HECW1: variants seen among roughly 807,000 people sequenced by gnomAD.
The protein encoded by HECW1 is HECT, C2 and WW domain containing E3 ubiquitin protein ligase 1.
HECW1 carries 61 observed loss-of-function variants against 182.3 expected under a neutral mutation model. The observed-to-expected ratio is 0.33, with a 90% confidence interval of 0.27 to 0.41. HECW1 has a LOEUF of 0.41. Among genes scored for constraint, HECW1 ranks in the 10% least tolerant of loss-of-function variants. The pLI is 1.00. For missense variants in HECW1, 1,739 were observed against 2,108.9 expected (o/e 0.82, Z 3.44); for synonymous variants, 859 against 832.6 (o/e 1.03, Z -0.55).
chr7:43,391,011 A>G (rs1309371754), intron 6 of HECW1, among the ~76,000 whole-genome samples: 1 of 152,136 alleles, frequency 6.6e-6, no homozygotes, highest in African/African-American at 2.4e-5. Flanking sequence ...GGCCTCCACA[A>G]ACAAGTTTAT....
At chr7:43,167,179 C>T (rs948081474) in intron 2 of HECW1, among the ~76,000 whole-genome samples, 2 of 152,232 alleles carry the variant, frequency 1.3e-5, no homozygotes, top group Non-Finnish European at 1.5e-5. Context: ...CCTTCAAAGG[C>T]CCTAGAGGAG....
At chr7:43,361,057 CGTGTGTGTGTGTGTGTGTGTGTGT>C in intron 6 of HECW1, 77 bp downstream of exon 6, 5 of 637,080 alleles carry the variant, frequency 7.8e-6, no homozygotes, top group Non-Finnish European at 1.4e-5. Context: ...CTTGTGCGTG[CGTGTGTGTGTGTGTGTGTGTGTGT>C]GTGTGTGTAC....
At chr7:43,397,084 G>A (rs2075256618) in intron 7 of HECW1, among the ~76,000 whole-genome samples, 195 bp downstream of exon 7, 1 of 152,198 alleles carries the variant, frequency 6.6e-6, no homozygotes. Context: ...GAGAGTTTAG[G>A]AAGTAATAGA....
chr7:43,526,306 T>C (rs2080753137), intron 24 of HECW1, among the ~76,000 whole-genome samples: 1 of 152,228 alleles, frequency 6.6e-6, no homozygotes, highest in African/African-American at 2.4e-5. Context: ...TTCTAACATC[T>C]TCCTGAAGCA....
chr7:43,155,837 A>G (rs921549908), intron 2 of HECW1, among the ~76,000 whole-genome samples: 3 of 152,238 alleles, frequency 2.0e-5, no homozygotes, highest in African/African-American at 7.2e-5. Flanking sequence ...TCCCAGGTCC[A>G]GTACAACAAT....
intron 11 of HECW1, 61 bp from the exon 12 acceptor site, chr7:43,450,767 T>C (rs1289973249): frequency 6.5e-6 from 7 of 1,071,598 alleles, no homozygotes; most frequent in African/African-American, 1.5e-5. Flanking sequence ...CAGTCATGCT[T>C]TTTTGATGAT....
intron 6 of HECW1, among the ~76,000 whole-genome samples, chr7:43,388,369 G>A (rs2074884656): frequency 6.6e-6 from 1 of 152,192 alleles, no homozygotes; most frequent in African/African-American, 2.4e-5. Flanking sequence ...AGCTTCCAGG[G>A]AGCCAGGTCA....
At chr7:43,307,915 T>TAC (rs1562812129) in intron 3 of HECW1, among the ~76,000 whole-genome samples, 7 of 138,032 alleles carry the variant, frequency 5.1e-5, no homozygotes, top group African/African-American at 1.9e-4. Flanking sequence ...TATATATATA[T>TAC]ATACACACAC....
At chr7:43,305,471 C>G (rs1807426187) in intron 3 of HECW1, among the ~76,000 whole-genome samples, 1 of 152,130 alleles carries the variant, frequency 6.6e-6, no homozygotes, top group South Asian at 2.1e-4. Context: ...TATAATCGCC[C>G]ATAAACAGGC....
chr7:43,321,907 C>T lies in HECW1; in HGVS notation c.460+1165C>T, dbSNP rs139512195. Among the ~76,000 whole-genome samples, 229 of 152,272 alleles carry T rather than the reference C, an allele frequency of 1.5e-3. 1 individual carries two copies. Among genetic ancestry groups the T allele is most frequent in the African/African-American group, 4.4e-3 (183 of 41,558 alleles). ...AAGAAACTTATGGTATCCCCGCTCC[C>T]GGCAATGACACCAATAGCTCTTTCT... On this transcript the variant is annotated intron_variant, in intron 5 of 29. Coordinates refer to ENST00000395891, the MANE Select transcript of HECW1 (RefSeq NM_015052.5).
chr7:43,419,013 C>T (rs1346969811), intron 8 of HECW1, among the ~76,000 whole-genome samples: 7 of 152,098 alleles, frequency 4.6e-5, no homozygotes, highest in Admixed American at 3.3e-4. Context: ...TTCTTTAAGC[C>T]CTAACTGCAA....
intron 29 of HECW1, 90 bp from the exon 30 acceptor site, chr7:43,561,725 T>C: frequency 1.1e-6 from 1 of 879,596 alleles, no homozygotes; most frequent in Non-Finnish European, 1.8e-6. Context: ...TTTTGATTCC[T>C]TTTTGAATCA....
chr7:43,286,676 AC>A (rs773741801), intron 3 of HECW1, among the ~76,000 whole-genome samples: 2 of 151,416 alleles, frequency 1.3e-5, no homozygotes, highest in East Asian at 1.9e-4. Context: ...ACTGCCACCC[AC>A]CCCCCCAAAG....
In HECW1 at chr7:43,403,253, G is replaced by A. The variant is rs1042571883; in HGVS notation, c.632-4309G>A. Among the ~76,000 whole-genome samples the A allele has an allele frequency of 3.9e-5, 6 of 152,186 alleles. No individual in the cohort carries two copies. The East Asian group carries it at 1.2e-3, about 29-fold the overall frequency. ...GGGAAAATGAGTAAATCTCAAAGAA[G>A]TGGCTTAGAATTTCAGCTTACATAA... On this transcript the variant is annotated intron_variant, in intron 7 of 29. Transcript: ENST00000395891.
At chr7:43,434,594 G>C (rs2152868694) in intron 8 of HECW1, among the ~76,000 whole-genome samples, 1 of 152,334 alleles carries the variant, frequency 6.6e-6, no homozygotes, top group East Asian at 1.9e-4. Flanking sequence ...CAAACAGACA[G>C]ACTTTTACAT....
intron 2 of HECW1, among the ~76,000 whole-genome samples, chr7:43,141,928 A>T (rs866674106): frequency 6.6e-6 from 1 of 152,176 alleles, no homozygotes; most frequent in African/African-American, 2.4e-5. Context: ...CTACTGCAGG[A>T]TTCCTCCCAC....
chr7:43,198,332 C>G (rs1794677321), intron 2 of HECW1, among the ~76,000 whole-genome samples: 1 of 148,824 alleles, frequency 6.7e-6, no homozygotes, highest in Admixed American at 6.7e-5. Context: ...ACACACACAT[C>G]CTACATACAC....
intron 2 of HECW1, among the ~76,000 whole-genome samples, chr7:43,160,875 G>A (rs1790456232): frequency 6.6e-6 from 1 of 152,030 alleles, no homozygotes; most frequent in African/African-American, 2.4e-5. Context: ...CCGCTGTGCT[G>A]TGCCTTTTAC....
chr7:43,259,271 C>G lies in HECW1; in HGVS notation c.27+15339C>G, dbSNP rs1226431226. ...GTGTGGTGGTGCATGCCTGTAGTCC[C>G]AGCTACTCAGGAGGCTGAGGCAGGA... is the stretch of plus-strand genomic sequence containing the variant. On this transcript the variant is annotated intron_variant, in intron 3 of 29. Coordinates refer to ENST00000395891, the MANE Select transcript of HECW1 (RefSeq NM_015052.5). Among the ~76,000 whole-genome samples the G allele has an allele frequency of 5.3e-5, 8 of 152,130 alleles. No homozygotes were observed. In the East Asian group the frequency reaches 1.4e-3, roughly 26 times the overall value.
Sources: gnomAD v4.1 joint callset for allele counts (sites outside exome capture counted in the v4.1 genomes callset) on GRCh38, gnomAD v4.1.1 for gene constraint, MANE v1.5 for transcripts, NCBI Gene and HGNC (gene_info 2026-07-23, HGNC 2026-07-21) for gene names.